The following SIN3B variants were observed in gnomAD, a reference collection of about 807,000 sequenced individuals.
SIN3B encodes the protein paired amphipathic helix protein Sin3b.
SIN3B carries 19 observed loss-of-function variants against 120.2 expected under a neutral mutation model. The observed-to-expected ratio is 0.16, with a 90% CI of 0.11 to 0.23. The LOEUF (loss-of-function observed/expected upper bound fraction) is 0.23, where lower values mean the gene tolerates loss of function less well. Among genes scored for constraint, SIN3B ranks in the 10% least tolerant of loss-of-function variants. SIN3B has a pLI of 1.00. For synonymous variants in SIN3B, 654 were observed against 653.2 expected (o/e 1.00, Z -0.02); for missense variants, 1,073 against 1,573.0 (o/e 0.68, Z 5.38).
At chr19:16,833,259 G>C (rs540636340) in intron 3 of SIN3B, among the ~76,000 whole-genome samples, 1 of 152,186 alleles carries the variant, frequency 6.6e-6, no homozygotes, top group East Asian at 1.9e-4. Flanking sequence ...CTGACACTCC[G>C]CAGTCAGTTG....
At chr19:16,841,662 C>T (rs1184763538) in intron 3 of SIN3B, 106 bp from the exon 4 acceptor site, 17 of 1,067,724 alleles carry the variant, frequency 1.6e-5, no homozygotes, top group Middle Eastern at 3.1e-4. Flanking sequence ...AGCTTGGCTC[C>T]GTGCTGAGTT....
rs746957519 is a variant in SIN3B, at chr19:16,846,987, G to C, written c.600G>C (p.Thr200=). The C allele has an allele frequency of 6.2e-7, 1 of 1,614,048 alleles. No homozygotes were observed. The highest frequency in any genetic ancestry group is 1.1e-5 in the South Asian group (1 of 91,076). The change falls in exon 5 of 19, where the codon ACG becomes ACC. Residue 200 remains threonine, a synonymous_variant. Transcript: ENST00000248054. ...LHTYQKEQLN[T]RGRPFRGMSE... ...ACTGGCAGAAGGAGCAGCTGAACAC[G>C]AGGGGCCGGCCATTCCGAGGCATGT... is the stretch of plus-strand genomic sequence containing the variant.
At chr19:16,836,198 C>T (rs1166121606) in intron 3 of SIN3B, among the ~76,000 whole-genome samples, 4 of 152,200 alleles carry the variant, frequency 2.6e-5, no homozygotes, top group African/African-American at 4.8e-5. Context: ...TGGCCTCCAC[C>T]CACCAGATGC....
chr19:16,875,562 C>G (rs1341857298), intron 14 of SIN3B, among the ~76,000 whole-genome samples: 1 of 123,028 alleles, frequency 8.1e-6, no homozygotes, highest in East Asian at 2.7e-4. Context: ...TTGGTCTGGT[C>G]TGGTCTGGTC....
At chr19:16,835,698 T>C (rs1175855664) in intron 3 of SIN3B, among the ~76,000 whole-genome samples, 1 of 152,038 alleles carries the variant, frequency 6.6e-6, no homozygotes, top group Non-Finnish European at 1.5e-5. Flanking sequence ...TTTTGTATTT[T>C]TAGTAGAGAC....
Position 16,880,172 on chromosome 19 carries a change from C to G in SIN3B, c.*1445C>G, listed in dbSNP as rs982896834. ...GAGCCACCTGGGCCCCGGGTGCAGC[C>G]GGAGACCCCGCCGAGCCCCTCCTCC... On this transcript the variant is annotated 3_prime_UTR_variant, in exon 19 of 19. Coordinates refer to ENST00000248054, the MANE Select transcript of SIN3B (RefSeq NM_001297595.2). 2 of 152,216 alleles carry G rather than the reference C, an allele frequency of 1.3e-5. No homozygotes were observed. Among genetic ancestry groups the G allele is most frequent in the Non-Finnish European group, 2.9e-5 (2 of 68,058 alleles). 9.4% of individuals were successfully genotyped at this position (152,216 alleles called of 1,614,324 possible).
intron 14 of SIN3B, among the ~76,000 whole-genome samples, chr19:16,873,222 C>T (rs976440794): frequency 2.0e-5 from 3 of 152,164 alleles, no homozygotes; most frequent in Non-Finnish European, 4.4e-5. Context: ...GGAAAGCTAT[C>T]CACGGTGTTT....
intron 14 of SIN3B, among the ~76,000 whole-genome samples, chr19:16,874,142 T>A (rs1024625630): frequency 6.6e-6 from 1 of 152,234 alleles, no homozygotes; most frequent in Non-Finnish European, 1.5e-5. Flanking sequence ...AGCAGTGTAT[T>A]TACAGCCAAG....
Position 16,829,892 on chromosome 19 carries a change from C to T in SIN3B, c.222C>T (p.Ser74=). Reference sequence around the variant, plus strand: ...TGGAGATCATGAAGGAGTTCAAAAGCCAGAGGTACCAGCGGGGCCCCTCTC... The same window carrying T: ...TGGAGATCATGAAGGAGTTCAAAAGTCAGAGGTACCAGCGGGGCCCCTCTC... ...GFLEIMKEFK[S]QSIDTPGVIR... Residue 74 remains serine, a synonymous_variant, in exon 2 of 19, where the codon AGC becomes AGT. Transcript: ENST00000248054. 1 of 1,611,908 alleles carries T rather than the reference C, an allele frequency of 6.2e-7. No homozygotes were observed. The highest frequency in any genetic ancestry group is 8.5e-7 in the Non-Finnish European group (1 of 1,178,272).
chr19:16,866,971 G>A (rs1241830611), intron 12 of SIN3B, among the ~76,000 whole-genome samples: 1 of 152,122 alleles, frequency 6.6e-6, no homozygotes, highest in Non-Finnish European at 1.5e-5. Context: ...TGGCCAGGCT[G>A]GTCTTGAACT....
intron 8 of SIN3B, among the ~76,000 whole-genome samples, chr19:16,856,441 A>G (rs1186812858): frequency 6.6e-6 from 1 of 152,200 alleles, no homozygotes; most frequent in African/African-American, 2.4e-5. Context: ...CGCTACCTGC[A>G]GGGCCCTTCA....
Position 16,865,363 on chromosome 19 carries a change from T to TA in SIN3B, c.1384-47_1384-46insA. The TA allele has an allele frequency of 2.6e-6, 3 of 1,173,244 alleles. 1 individual carries two copies. The highest frequency in any genetic ancestry group is 1.2e-6 in the Non-Finnish European group (1 of 845,656). 72.7% of individuals were successfully genotyped at this position (1,173,244 alleles called of 1,614,324 possible). On this transcript the variant is annotated intron_variant, in intron 10 of 18. Coordinates refer to ENST00000248054, the MANE Select transcript of SIN3B (RefSeq NM_001297595.2). Reference sequence around the variant, plus strand: ...AGGTCCCAGGCTCCTCTCTGAGGCCTCTTGAGTTCCCCAGTGGCTGACCCC... The same window carrying TA: ...AGGTCCCAGGCTCCTCTCTGAGGCCTACTTGAGTTCCCCAGTGGCTGACCCC...
At chr19:16,867,693 CT>C (rs1417440128) in intron 12 of SIN3B, among the ~76,000 whole-genome samples, 1 of 152,164 alleles carries the variant, frequency 6.6e-6, no homozygotes, top group Non-Finnish European at 1.5e-5. Flanking sequence ...GTCGCTCCTT[CT>C]TTTACAACAC....
rs1378113492 is a variant in SIN3B, at chr19:16,869,747, G to C, written c.2094G>C (p.Arg698=). ...GGCAGACCACAGACCCCAGTGAGCG[G>C]AAGAAGCCGGCGCCAGGACCCCACA... The part of the protein sequence containing the change: ...PQGQTTDPSE[R]KKPAPGPHSS... Residue 698 remains arginine, a synonymous_variant, in exon 13 of 19, where the codon CGG becomes CGC. Transcript: ENST00000248054. 1.3e-5 allele frequency: 21 copies of C among 1,613,212 alleles called. No individual in the cohort carries two copies. Among genetic ancestry groups the C allele is most frequent in the Non-Finnish European group, 1.7e-5 (20 of 1,179,936 alleles).
At chr19:16,850,445 GT>G (rs750429560) in intron 5 of SIN3B, among the ~76,000 whole-genome samples, 1 of 150,776 alleles carries the variant, frequency 6.6e-6, no homozygotes, top group Non-Finnish European at 1.5e-5. Context: ...GTTTTTCCTT[GT>G]TTTTTTTTGT....
chr19:16,872,027 G>A (rs2144624712), intron 14 of SIN3B, among the ~76,000 whole-genome samples: 1 of 152,228 alleles, frequency 6.6e-6, no homozygotes, highest in African/African-American at 2.4e-5. Flanking sequence ...AGGCCCCACT[G>A]AATGTCAACA....
Position 16,831,590 on chromosome 19 carries a change from T to C in SIN3B, c.324T>C (p.Tyr108=). ...VGFNAFLPLG[Y]RIDIPKNGKL... The stretch of plus-strand genomic sequence containing the variant: ...TCAACGCTTTTCTTCCCCTCGGATA[T>C]AGAATAGACATTCCCAAGAATGGCA... Residue 108 remains tyrosine, a synonymous_variant, in exon 3 of 19, where the codon TAT becomes TAC. Coordinates refer to ENST00000248054, the MANE Select transcript of SIN3B (RefSeq NM_001297595.2). 6.2e-7 allele frequency: 1 copy of C among 1,614,074 alleles called. No homozygotes were observed. The highest frequency in any genetic ancestry group is 8.5e-7 in the Non-Finnish European group (1 of 1,179,982).
chr19:16,855,369 T>TCCCCCCCCCCCC (rs1491247135), intron 8 of SIN3B: 1 of 31,740 alleles, frequency 3.2e-5, no homozygotes, highest in Non-Finnish European at 6.5e-5. Context: ...GGGAGAAACC[T>TCCCCCCCCCCCC]TCCCCCCCCC....
chr19:16,832,191 CTTTTT>C (rs10528185), intron 3 of SIN3B, among the ~76,000 whole-genome samples: 2 of 125,434 alleles, frequency 1.6e-5, no homozygotes, highest in Non-Finnish European at 1.7e-5. Context: ...TGCTGGCCCT[CTTTTT>C]TTTTTTTTTT....
Sources: gnomAD v4.1 joint callset for allele counts (sites outside exome capture counted in the v4.1 genomes callset) on GRCh38, gnomAD v4.1.1 for gene constraint, MANE v1.5 for transcripts, NCBI Gene and HGNC (gene_info 2026-07-23, HGNC 2026-07-21) for gene names.